ROBO2: variants seen among roughly 807,000 people sequenced by gnomAD.
ROBO2 encodes roundabout guidance receptor 2, also known as roundabout homolog 2.
In ROBO2, 53 loss-of-function variants were observed where a neutral mutation model predicts 160.8. The observed-to-expected ratio is 0.33, with a 90% CI of 0.26 to 0.41. The LOEUF (loss-of-function observed/expected upper bound fraction) is 0.41. Ranked by LOEUF, ROBO2 falls within the 10% of genes least tolerant of loss-of-function variation. ROBO2 has a pLI of 1.00. For synonymous variants in ROBO2, 664 were observed against 611.7 expected, an observed-to-expected ratio of 1.09 and a Z score of -1.26; for missense variants, 1,577 against 1,722.4, an observed-to-expected ratio of 0.92 and a Z score of 1.49.
intron 2 of ROBO2, among the ~76,000 whole-genome samples, chr3:76,428,458 C>T (rs866038406): frequency 3.3e-5 from 5 of 152,092 alleles, no homozygotes; most frequent in African/African-American, 1.2e-4. Flanking sequence ...ATCATCAGCA[C>T]TATATGTCTA....
intron 2 of ROBO2, among the ~76,000 whole-genome samples, chr3:77,240,968 AC>A (rs1263468190): frequency 1.8e-4 from 28 of 152,352 alleles, no homozygotes; most frequent in African/African-American, 6.7e-4. Flanking sequence ...TTCACAACTT[AC>A]TTTTTGTTAT....
chr3:76,327,532 C>G (rs1016138892), intron 2 of ROBO2, among the ~76,000 whole-genome samples: 1 of 152,136 alleles, frequency 6.6e-6, no homozygotes, highest in Non-Finnish European at 1.5e-5. Flanking sequence ...TTAAACAATT[C>G]TTGATTCTAT....
intron 2 of ROBO2, among the ~76,000 whole-genome samples, chr3:76,276,963 T>G (rs1186812107): frequency 6.6e-6 from 1 of 152,044 alleles, no homozygotes; most frequent in African/African-American, 2.4e-5. Context: ...CATTTATATT[T>G]TATATATACA....
intron 2 of ROBO2, among the ~76,000 whole-genome samples, chr3:76,856,697 G>A (rs1263645058): frequency 6.6e-6 from 1 of 152,154 alleles, no homozygotes; most frequent in African/African-American, 2.4e-5. Context: ...CTCAGGTAAT[G>A]ATGATGGTGC....
rs553874836 is a variant in ROBO2, at chr3:76,966,141, C to T, written c.110-131873C>T. Among the ~76,000 whole-genome samples, 41 of 151,936 alleles carry T rather than the reference C, an allele frequency of 2.7e-4. 1 individual carries two copies. In the South Asian group the frequency reaches 7.9e-3, roughly 29 times the overall value. On this transcript the variant is annotated intron_variant, in intron 2 of 26. Coordinates refer to the ROBO2 transcript ENST00000487694. ...TTCTCCATGTTGGTCAGGCTGGTCT[C>T]GAACTCCCAGCCTCAGGTGATACAC...
chr3:77,238,536 G>A (rs2088440185), intron 2 of ROBO2, among the ~76,000 whole-genome samples: 1 of 151,816 alleles, frequency 6.6e-6, no homozygotes, highest in Non-Finnish European at 1.5e-5. Context: ...TTTCTTAATA[G>A]CTTTCTATTA....
chr3:76,192,099 T>A (rs184194718), intron 2 of ROBO2, among the ~76,000 whole-genome samples: 16 of 150,596 alleles, frequency 1.1e-4, no homozygotes, highest in African/African-American at 3.4e-4. Context: ...TGCCCTTAGT[T>A]ACCTGACCTT....
At chr3:76,243,835 T>A (rs982601987) in intron 2 of ROBO2, among the ~76,000 whole-genome samples, 5 of 152,222 alleles carry the variant, frequency 3.3e-5, no homozygotes, top group African/African-American at 1.2e-4. Flanking sequence ...TCTTTAGTAC[T>A]GAATACAATA....
intron 2 of ROBO2, among the ~76,000 whole-genome samples, chr3:76,907,823 G>GGGTGTGTGTGT (rs112697690): frequency 2.8e-5 from 4 of 145,432 alleles, no homozygotes; most frequent in African/African-American, 7.7e-5. Context: ...GTTTGTTTGG[G>GGGTGTGTGTGT]GTGTGTGTGT....
At chr3:76,280,503 G>A (rs974900945) in intron 2 of ROBO2, among the ~76,000 whole-genome samples, 1 of 151,920 alleles carries the variant, frequency 6.6e-6, no homozygotes, top group African/African-American at 2.4e-5. Flanking sequence ...CCTAAACCTT[G>A]CTCCTAGACT....
At chr3:76,080,491 T>A (rs1392599341) in intron 2 of ROBO2, among the ~76,000 whole-genome samples, 1 of 152,208 alleles carries the variant, frequency 6.6e-6, no homozygotes, top group African/African-American at 2.4e-5. Flanking sequence ...TCTTTTTCGT[T>A]TCTGCAAAAG....
chr3:76,603,855 A>T (rs1321340639), intron 2 of ROBO2, among the ~76,000 whole-genome samples: 4 of 152,162 alleles, frequency 2.6e-5, no homozygotes. Flanking sequence ...TTTGCTTGAT[A>T]GTTTCCTGTC....
At chr3:75,939,482 G>T (rs1255077485) in intron 2 of ROBO2, among the ~76,000 whole-genome samples, 1 of 152,140 alleles carries the variant, frequency 6.6e-6, no homozygotes, top group Non-Finnish European at 1.5e-5. Flanking sequence ...AAGTCTAGCT[G>T]TAGTAAAGCT....
intron 2 of ROBO2, among the ~76,000 whole-genome samples, chr3:77,106,429 A>AT (rs35572834): frequency 0.55 from 83,166 of 151,858 alleles, 23,055 homozygotes; most frequent in African/African-American, 0.62. Context: ...GGTTGACATT[A>AT]GCTTAGGAAA....
rs529071621 is a variant in ROBO2, at chr3:76,078,868, C to T, written c.109+141266C>T. ...TTTCTACTAACAGTGTACAAGTGTCCCCCTTTCTCCACATTCTCATCAACA... is the reference window on the plus strand; with the variant it reads ...TTTCTACTAACAGTGTACAAGTGTCTCCCTTTCTCCACATTCTCATCAACA... On this transcript the variant is annotated intron_variant, in intron 2 of 26. Coordinates refer to the ROBO2 transcript ENST00000487694. Among the ~76,000 whole-genome samples the T allele has an allele frequency of 2.6e-5, 4 of 152,156 alleles. No individual in the cohort carries two copies. In the South Asian group the frequency reaches 8.3e-4, roughly 32 times the overall value.
At chr3:76,462,623 A>C (rs1422833533) in intron 2 of ROBO2, among the ~76,000 whole-genome samples, 1 of 151,498 alleles carries the variant, frequency 6.6e-6, no homozygotes, top group African/African-American at 2.4e-5. Context: ...AAAAAAAAAG[A>C]ATAAGATACA....
At chr3:77,207,690 TAG>T (rs1212959680) in intron 2 of ROBO2, among the ~76,000 whole-genome samples, 1 of 152,188 alleles carries the variant, frequency 6.6e-6, no homozygotes, top group Non-Finnish European at 1.5e-5. Flanking sequence ...AAAATGGAAA[TAG>T]AGGTAACGTT....
intron 2 of ROBO2, among the ~76,000 whole-genome samples, chr3:77,367,842 C>A (rs1234917836): frequency 6.6e-6 from 1 of 152,080 alleles, no homozygotes. Context: ...AGTTGTGGTT[C>A]TTTATGTGAA....
intron 23 of ROBO2, among the ~76,000 whole-genome samples, chr3:77,627,784 G>A (rs1464523000): frequency 1.3e-5 from 2 of 152,116 alleles, no homozygotes; most frequent in Non-Finnish European, 2.9e-5. Flanking sequence ...TTAAATATTG[G>A]TTGAAAAAAT....
Sources: gnomAD v4.1 joint callset for allele counts (sites outside exome capture counted in the v4.1 genomes callset) on GRCh38, gnomAD v4.1.1 for gene constraint, MANE v1.5 for transcripts, NCBI Gene and HGNC (gene_info 2026-07-23, HGNC 2026-07-21) for gene names.